Variants in ZNF398 observed in about 807,000 individuals in gnomAD.
ZNF398 encodes the protein zinc finger DNA binding protein ZER6.
ZNF398 carries 18 observed loss-of-function variants against 41.9 expected under a neutral mutation model. The ratio of observed to expected loss-of-function variants is 0.43; its 90% CI spans 0.30 to 0.64. The LOEUF (loss-of-function observed/expected upper bound fraction) is 0.64. Among genes scored for constraint, ZNF398 ranks in the 30% least tolerant of loss-of-function variants. The pLI is 0.14. For synonymous variants in ZNF398, 260 were observed against 308.8 expected (o/e 0.84, Z 1.66); for missense variants, 669 against 822.8 (o/e 0.81, Z 2.29).
At chr7:149,133,693 G>GA (rs1826650649) in intron 2 of ZNF398, among the ~76,000 whole-genome samples, 3 of 42,164 alleles carry the variant, frequency 7.1e-5, no homozygotes, top group East Asian at 1.3e-3. Context: ...ATATATGTGT[G>GA]TATATATATA....
At chr7:149,160,891 A>T (rs1312134835) in intron 2 of ZNF398, among the ~76,000 whole-genome samples, 4 of 151,938 alleles carry the variant, frequency 2.6e-5, no homozygotes. Flanking sequence ...GTCAGGAGGC[A>T]CTTAGTAAAC....
rs139949874 is a variant in ZNF398, at chr7:149,178,108, A to G, written c.776-540A>G. Among the ~76,000 whole-genome samples, 1,331 of 152,230 alleles carry G rather than the reference A, an allele frequency of 8.7e-3. 8 individuals are homozygous for G. The highest frequency in any genetic ancestry group is 0.015 in the African/African-American group (639 of 41,538). On this transcript the variant is annotated intron_variant, in intron 5 of 5. Coordinates refer to ENST00000475153, the MANE Select transcript of ZNF398 (RefSeq NM_170686.3). ...AGATCGAGACCATCCTGGCTAACAC[A>G]GTGAAACCCTGTCTCTACTAAAAAG...
chr7:149,148,971 T>C (rs1325238420), intron 1 of ZNF398, among the ~76,000 whole-genome samples: 5 of 134,132 alleles, frequency 3.7e-5, no homozygotes, highest in South Asian at 2.6e-4. Flanking sequence ...AGCCAAAAGA[T>C]TGGACACCCC....
chr7:149,133,616 C>G, intron 2 of ZNF398, among the ~76,000 whole-genome samples: 1 of 130,378 alleles, frequency 7.7e-6, no homozygotes, highest in Non-Finnish European at 1.6e-5. Flanking sequence ...CAGGGGTGAG[C>G]CACTGCACCT....
chr7:149,154,381 A>G (rs193074894), intron 2 of ZNF398, 41 bp downstream of exon 2: 3 of 1,538,880 alleles, frequency 1.9e-6, no homozygotes, highest in East Asian at 2.3e-5. Context: ...TACCACTAGA[A>G]CTTACATTAG....
rs949229016 is a variant in ZNF398 at position 149,174,827 on chromosome 7, AAAAC to A, written c.662-1625_662-1622del. Among the ~76,000 whole-genome samples the A allele has an allele frequency of 3.9e-5, 6 of 152,304 alleles. 1 individual carries two copies. The highest frequency in any genetic ancestry group is 4.1e-4 in the South Asian group (2 of 4,828). ...GGTGATAGAGTGAGACCCTGTCTCAAAAACAAACAAACAAACAAAAGTCAGATGT... is the reference window on the plus strand; with the variant it reads ...GGTGATAGAGTGAGACCCTGTCTCAAAAACAAACAAACAAAAGTCAGATGT... On this transcript the variant is annotated intron_variant, in intron 4 of 5. Coordinates refer to ENST00000475153, the MANE Select transcript of ZNF398 (RefSeq NM_170686.3).
At chr7:149,134,578 C>A (rs1390221327) in intron 2 of ZNF398, among the ~76,000 whole-genome samples, 1 of 152,158 alleles carries the variant, frequency 6.6e-6, no homozygotes, top group East Asian at 1.9e-4. Context: ...TCTCTCTGTA[C>A]AACTTAAAGT....
Position 149,172,382 on chromosome 7 carries a change from C to T in ZNF398, c.662-4086C>T, listed in dbSNP as rs573514139. 1.6e-4 allele frequency among the ~76,000 whole-genome samples: 25 copies of T among 152,226 alleles called. No individual in the cohort carries two copies. The East Asian group carries it at 3.7e-3, about 22-fold the overall frequency. The stretch of plus-strand genomic sequence containing the variant: ...CATCCACACTGTATACGCTACCTGG[C>T]CATTAGTCACTTAGAAGCTATGTCA... On this transcript the variant is annotated intron_variant, in intron 4 of 5. Transcript: ENST00000475153.
chr7:149,143,536 G>A (rs1011978364), upstream of ZNF398, among the ~76,000 whole-genome samples: 10 of 152,210 alleles, frequency 6.6e-5, no homozygotes. Context: ...CCAATTGGCA[G>A]GGTGCGGTGG....
rs564452105 is a variant in ZNF398, at chr7:149,160,250, G to A, written c.421-5908G>A. Among the ~76,000 whole-genome samples the A allele has an allele frequency of 9.1e-4, 138 of 152,198 alleles. 1 individual carries two copies. Among genetic ancestry groups the A allele is most frequent in the Middle Eastern group, 6.8e-3 (2 of 294 alleles). ...TCAGGAGATCGAGACCATCCTGGCT[G>A]ACACGGGGGTCTCAACTAAAAATAC... On this transcript the variant is annotated intron_variant, in intron 2 of 5. Transcript: ENST00000475153.
chr7:149,165,372 T>C (rs977110372), intron 2 of ZNF398, among the ~76,000 whole-genome samples: 4 of 152,084 alleles, frequency 2.6e-5, no homozygotes, highest in Admixed American at 6.6e-5. Flanking sequence ...CTCAGGGAAA[T>C]GTACAGTCAA....
At chr7:149,161,998 A>G (rs1795113950) in intron 2 of ZNF398, among the ~76,000 whole-genome samples, 1 of 152,184 alleles carries the variant, frequency 6.6e-6, no homozygotes, top group South Asian at 2.1e-4. Context: ...AAAAAACTCT[A>G]AAATTTGAAT....
chr7:149,175,396 A>T lies in ZNF398; in HGVS notation c.662-1072A>T, dbSNP rs533856033. 6.6e-5 allele frequency among the ~76,000 whole-genome samples: 10 copies of T among 152,164 alleles called. No homozygotes were observed. The South Asian group carries it at 2.1e-3, about 32-fold the overall frequency. On this transcript the variant is annotated intron_variant, in intron 4 of 5. Coordinates refer to ENST00000475153, the MANE Select transcript of ZNF398 (RefSeq NM_170686.3). ...AGGCCTAGGTTGTAATAGCTAGCAC[A>T]GCTGTTTTGGTACTGATCAGATGAG...
chr7:149,153,815 G>T, intron 1 of ZNF398, 130 bp from the exon 2 acceptor site: 2 of 1,100,424 alleles, frequency 1.8e-6, no homozygotes, highest in East Asian at 5.0e-5. Flanking sequence ...TGAGGCATAC[G>T]CAGGCAGTAC....
chr7:149,135,657 A>G (rs576673045), intron 2 of ZNF398, among the ~76,000 whole-genome samples: 115 of 99,266 alleles, frequency 1.2e-3, no homozygotes, highest in African/African-American at 2.6e-3. Context: ...AAAAACTATT[A>G]GAATAATAAT....
intron 2 of ZNF398, among the ~76,000 whole-genome samples, chr7:149,131,503 C>T (rs1162052113): frequency 4.6e-5 from 7 of 151,998 alleles, no homozygotes; most frequent in South Asian, 4.2e-4. Context: ...CTGGCCAATA[C>T]GGTGAAACCC....
At chr7:149,178,279 G>A (rs187847673) in intron 5 of ZNF398, among the ~76,000 whole-genome samples, 92 of 149,216 alleles carry the variant, frequency 6.2e-4, no homozygotes, top group African/African-American at 2.3e-3. Flanking sequence ...GCGACAGAGC[G>A]AGACTCCGTC....
intron 2 of ZNF398, among the ~76,000 whole-genome samples, chr7:149,158,271 C>T (rs752547253): frequency 3.9e-5 from 6 of 152,204 alleles, no homozygotes; most frequent in Admixed American, 1.3e-4. Context: ...TATGATTTGT[C>T]TGCATAGATG....
intron 2 of ZNF398, among the ~76,000 whole-genome samples, chr7:149,155,731 A>ATTTTTTTTTTT (rs1235445656): frequency 1.1e-4 from 6 of 56,916 alleles, no homozygotes; most frequent in African/African-American, 2.2e-4. Context: ...TTTTTTTTTA[A>ATTTTTTTTTTT]TTTTTTTTTT....
Sources: allele counts gnomAD v4.1 joint callset (sites outside exome capture counted in the v4.1 genomes callset), GRCh38; gene constraint gnomAD v4.1.1; transcripts MANE v1.5; gene names NCBI Gene and HGNC (gene_info 2026-07-23, HGNC 2026-07-21).